The following ZNF221 variants were observed in gnomAD, a reference collection of about 807,000 sequenced individuals.
The protein encoded by ZNF221 is zinc finger protein 221.
ZNF221 carries 10 observed loss-of-function variants against 12.6 expected under a neutral mutation model. The observed-to-expected ratio is 0.79, with a 90% CI of 0.49 to 1.34. The LOEUF (loss-of-function observed/expected upper bound fraction) is 1.34, where lower values mean the gene tolerates loss of function less well. ZNF221 is among the 40% of genes most tolerant of loss of function. The pLI is 0.00. For synonymous variants in ZNF221, 232 were observed against 244.0 expected (o/e 0.95, Z 0.46); for missense variants, 661 against 721.4 (o/e 0.92, Z 0.96).
At chr19:43,962,018 G>C (rs1974851740) in intron 1 of ZNF221, 1 of 152,146 alleles carries the variant, frequency 6.6e-6, no homozygotes, top group South Asian at 2.1e-4. Flanking sequence ...TCTTACGGGA[G>C]ATACATTATT....
At chr19:43,961,905 C>A (rs1261696531) in intron 1 of ZNF221, 1 of 152,096 alleles carries the variant, frequency 6.6e-6, no homozygotes, top group Non-Finnish European at 1.5e-5. Flanking sequence ...CTGTTTTTCC[C>A]TTCATTGGAG....
the ZNF221 span, among the ~76,000 whole-genome samples, chr19:43,973,326 T>C: frequency 6.6e-6 from 1 of 152,162 alleles, no homozygotes; most frequent in South Asian, 2.1e-4. Flanking sequence ...TCATTCCCCT[T>C]GAAAACTGGC....
chr19:43,970,142 G>A (rs959856515), downstream of ZNF221, among the ~76,000 whole-genome samples: 2 of 152,110 alleles, frequency 1.3e-5, no homozygotes, highest in Admixed American at 6.5e-5. Context: ...CTAGGGTCTC[G>A]AGCAGACCCC....
Position 43,966,049 on chromosome 19 carries a change from T to G in ZNF221, c.547T>G (p.Ser183Ala). The G allele has an allele frequency of 6.2e-7, 1 of 1,614,224 alleles. No homozygotes were observed. The highest frequency in any genetic ancestry group is 1.1e-5 in the South Asian group (1 of 91,086). The change falls in exon 5 of 5, where the codon TCT becomes GCT. Residue 183 changes from serine (S) to alanine (A), a missense_variant. By Grantham distance (99) the Ser-to-Ala change is moderately conservative (BLOSUM62 1). Coordinates refer to ENST00000587682, the MANE Select transcript of ZNF221 (RefSeq NM_001297588.2). ...ATGTAAACAGTCCTTCAGTGATGTTTCTGTCTTTGATCTTCATCAACAATC... is the reference window on the plus strand; with the variant it reads ...ATGTAAACAGTCCTTCAGTGATGTTGCTGTCTTTGATCTTCATCAACAATC... ...NECKQSFSDVSVFDLHQQSHS... is the reference protein window; with the variant it reads ...NECKQSFSDVAVFDLHQQSHS...
intron 1 of ZNF221, among the ~76,000 whole-genome samples, chr19:43,952,446 G>A (rs958841864): frequency 2.0e-5 from 3 of 152,184 alleles, no homozygotes; most frequent in African/African-American, 7.2e-5. Context: ...CATGGGCATT[G>A]ATAAGAAAGT....
At chr19:43,978,230 C>G in the ZNF221 span, 2 of 152,182 alleles carry the variant, frequency 1.3e-5, no homozygotes, top group East Asian at 1.9e-4. Flanking sequence ...GGCGCAGTGA[C>G]CACTCCTACC....
chr19:43,979,608 C>T, the ZNF221 span, among the ~76,000 whole-genome samples: 2 of 152,048 alleles, frequency 1.3e-5, no homozygotes, highest in African/African-American at 2.4e-5. Context: ...ATCTTCCTCT[C>T]GTGGGTTAGT....
At chr19:43,954,380 G>A (rs150868496) in intron 1 of ZNF221, among the ~76,000 whole-genome samples, 7 of 152,154 alleles carry the variant, frequency 4.6e-5, no homozygotes, top group South Asian at 2.1e-4. Flanking sequence ...CTCAGCTACC[G>A]TTTCTCCTTC....
intron 1 of ZNF221, among the ~76,000 whole-genome samples, chr19:43,951,849 C>CTTTTTTT (rs758081943): frequency 6.4e-5 from 4 of 62,596 alleles, no homozygotes; most frequent in African/African-American, 2.0e-4. Flanking sequence ...TCTTTGACCT[C>CTTTTTTT]TTTTTTTTTT....
At chr19:43,964,821 G>GT (rs1302166573) in intron 2 of ZNF221, 129 bp from the exon 3 acceptor site, 1 of 1,238,576 alleles carries the variant, frequency 8.1e-7, no homozygotes, top group Non-Finnish European at 1.1e-6. Context: ...TGGGAAATCT[G>GT]TATGTTGACC....
intron 2 of ZNF221, 79 bp downstream of exon 2, chr19:43,962,886 G>T: frequency 7.5e-7 from 1 of 1,337,418 alleles, no homozygotes; most frequent in Admixed American, 2.3e-5. Context: ...GTCTTGGGAA[G>T]ACTCAAGGAG....
downstream of ZNF221, among the ~76,000 whole-genome samples, chr19:43,969,825 G>T (rs1181882500): frequency 1.3e-5 from 2 of 152,308 alleles, no homozygotes; most frequent in Admixed American, 6.5e-5. Context: ...TGACAAAGCT[G>T]TTCCAGCCTG....
intron 2 of ZNF221, among the ~76,000 whole-genome samples, chr19:43,964,700 G>C (rs1222100419): frequency 6.6e-6 from 1 of 152,148 alleles, no homozygotes; most frequent in Non-Finnish European, 1.5e-5. Context: ...CTTACAAGTA[G>C]ACTCAATGAC....
intron 1 of ZNF221, 140 bp from the exon 2 acceptor site, chr19:43,962,585 T>C (rs1226390393): frequency 1.8e-5 from 14 of 763,124 alleles, no homozygotes; most frequent in Non-Finnish European, 3.2e-5. Context: ...GAGGGCATTT[T>C]GCTTGTTTGC....
chr19:43,978,788 A>T, the ZNF221 span: 1 of 152,156 alleles, frequency 6.6e-6, no homozygotes, highest in Non-Finnish European at 1.5e-5. Context: ...AATTGGGTAC[A>T]TTATTATAAT....
chr19:43,965,187 T>C (rs895125876), intron 3 of ZNF221, 46 bp from the exon 4 acceptor site: 4 of 1,593,432 alleles, frequency 2.5e-6, no homozygotes, highest in Non-Finnish European at 3.4e-6. Flanking sequence ...TCCCTAGATA[T>C]TACCTACAAT....
At chr19:43,970,903 G>A (rs921370918), downstream of ZNF221, among the ~76,000 whole-genome samples, 6 of 152,130 alleles carry the variant, frequency 3.9e-5, no homozygotes, top group African/African-American at 1.4e-4. Context: ...TCAAATTCAG[G>A]AAATGCAGAG....
At chr19:43,958,992 T>G (rs1974802242) in intron 1 of ZNF221, among the ~76,000 whole-genome samples, 1 of 12,476 alleles carries the variant, frequency 8.0e-5, no homozygotes, top group African/African-American at 5.4e-4. Context: ...TTTGGTTGTT[T>G]TTTTTTTTTC....
At chr19:43,971,937 C>A (rs1029348078), downstream of ZNF221, among the ~76,000 whole-genome samples, 1 of 152,134 alleles carries the variant, frequency 6.6e-6, no homozygotes, top group African/African-American at 2.4e-5. Context: ...ACTCTCCACT[C>A]CAAAACAACA....
Sources: allele counts gnomAD v4.1 joint callset (sites outside exome capture counted in the v4.1 genomes callset), GRCh38; gene constraint gnomAD v4.1.1; transcripts MANE v1.5; gene names NCBI Gene and HGNC (gene_info 2026-07-23, HGNC 2026-07-21).